SPTLC1: variants seen among roughly 807,000 people sequenced by gnomAD.
The protein encoded by SPTLC1 is serine palmitoyltransferase 1.
In SPTLC1, 55 loss-of-function variants were observed where a neutral mutation model predicts 68.9. The ratio of observed to expected loss-of-function variants is 0.80; its 90% CI spans 0.64 to 1.00. The LOEUF (loss-of-function observed/expected upper bound fraction) is 1.00. Among genes scored for constraint, SPTLC1 ranks in the 50% least tolerant of loss-of-function variants. SPTLC1 has a pLI of 0.00. For synonymous variants in SPTLC1, 197 were observed against 201.6 expected (o/e 0.98, Z 0.19); for missense variants, 449 against 573.1 (o/e 0.78, Z 2.21).
chr9:92,047,534 G>A (rs758333214), intron 10 of SPTLC1, 79 bp downstream of exon 10: 16 of 955,666 alleles, frequency 1.7e-5, no homozygotes, highest in Middle Eastern at 4.2e-4. Context: ...GTAAAATTTC[G>A]TATTTCAAAA....
intron 5 of SPTLC1, among the ~76,000 whole-genome samples, chr9:92,069,201 A>G (rs538346829): frequency 3.1e-4 from 47 of 152,350 alleles, no homozygotes; most frequent in Non-Finnish European, 6.0e-4. Flanking sequence ...GGGGCAGCAG[A>G]GAGGGCTGAC....
chr9:92,109,251 G>A (rs574353035), intron 2 of SPTLC1: 9 of 201,820 alleles, frequency 4.5e-5, no homozygotes, highest in South Asian at 4.2e-4. Context: ...AAAGGCCTCC[G>A]ATACAGGATG....
intron 3 of SPTLC1, 86 bp from the exon 4 acceptor site, chr9:92,081,049 A>G: frequency 1.0e-5 from 10 of 1,001,014 alleles, no homozygotes; most frequent in Non-Finnish European, 1.4e-5. Flanking sequence ...ACAACAACAT[A>G]GTGTTGTCAT....
At chr9:92,044,690 T>C (rs1303501383) in intron 12 of SPTLC1, among the ~76,000 whole-genome samples, 1 of 152,098 alleles carries the variant, frequency 6.6e-6, no homozygotes, top group Non-Finnish European at 1.5e-5. Flanking sequence ...GCAAAGGCAC[T>C]CAGTCCTTAA....
chr9:92,068,098 T>C lies in SPTLC1; in HGVS notation c.428A>G (p.Asp143Gly), dbSNP rs764072897. ...CGPRGFYGTF[D>G]VHLDLEDRLA... ...GCGGTCTTCCAAATCCAAATGAACA[T>C]CTATTTCAGTTAAAAAAGTTAAATG... The change falls in exon 6 of 15, where the codon GAT (aspartate) becomes GGT (glycine). Residue 143 changes from aspartate to glycine, a missense_variant and splice_region_variant. By Grantham distance (94) the Asp-to-Gly change is moderately conservative. Coordinates refer to ENST00000262554, the MANE Select transcript of SPTLC1 (RefSeq NM_006415.4). 1.2e-6 allele frequency: 2 copies of C among 1,613,600 alleles called. No individual in the cohort carries two copies. The highest frequency in any genetic ancestry group is 1.7e-6 in the Non-Finnish European group (2 of 1,179,746).
intron 3 of SPTLC1, among the ~76,000 whole-genome samples, chr9:92,102,732 A>T (rs1243848455): frequency 3.3e-5 from 5 of 152,206 alleles, no homozygotes; most frequent in Admixed American, 6.5e-5. Flanking sequence ...AAAGCAAACA[A>T]TAAAAAAAGA....
chr9:92,050,533 C>T (rs1358018489), intron 8 of SPTLC1: 1 of 175,110 alleles, frequency 5.7e-6, no homozygotes, highest in Non-Finnish European at 1.2e-5. Context: ...TTTGTTCAGG[C>T]ATGAGTGGTA....
chr9:92,097,657 C>G (rs1322628869), intron 3 of SPTLC1, among the ~76,000 whole-genome samples: 1 of 152,138 alleles, frequency 6.6e-6, no homozygotes, highest in Non-Finnish European at 1.5e-5. Flanking sequence ...TTGCTAAGGC[C>G]TGGGCAGAGG....
intron 6 of SPTLC1, among the ~76,000 whole-genome samples, chr9:92,067,019 C>G (rs1189043940): frequency 1.3e-5 from 2 of 151,756 alleles, no homozygotes; most frequent in Non-Finnish European, 2.9e-5. Flanking sequence ...AAAAAAAGGC[C>G]AGGTGCGGTG....
chr9:92,058,240 T>C (rs1564092163), intron 7 of SPTLC1, among the ~76,000 whole-genome samples: 1 of 151,470 alleles, frequency 6.6e-6, no homozygotes, highest in Admixed American at 6.6e-5. Flanking sequence ...ATTCATGAAG[T>C]GATGCACTTA....
At chr9:92,104,043 T>A (rs1225498939) in intron 3 of SPTLC1, among the ~76,000 whole-genome samples, 2 of 152,152 alleles carry the variant, frequency 1.3e-5, no homozygotes, top group African/African-American at 2.4e-5. Flanking sequence ...GCTGGGCTCC[T>A]AAGCACTCCT....
intron 12 of SPTLC1, among the ~76,000 whole-genome samples, chr9:92,042,248 A>G (rs1044351483): frequency 6.6e-6 from 1 of 152,270 alleles, no homozygotes; most frequent in Non-Finnish European, 1.5e-5. Context: ...GCCACTGTTC[A>G]ATACAAATTA....
intron 10 of SPTLC1, 97 bp downstream of exon 10, chr9:92,047,516 T>A (rs1005534651): frequency 1.2e-6 from 1 of 834,350 alleles, no homozygotes; most frequent in Non-Finnish European, 2.0e-6. Context: ...AATTGTGTGA[T>A]AAACTAAGTA....
chr9:92,039,588 A>AT (rs201191424), intron 12 of SPTLC1, among the ~76,000 whole-genome samples: 2,006 of 152,336 alleles, frequency 0.013, 19 homozygotes, highest in South Asian at 0.025. Flanking sequence ...CACAAATGTG[A>AT]TATATGTCTA....
chr9:92,040,486 C>T (rs1247885042), intron 12 of SPTLC1, among the ~76,000 whole-genome samples: 10 of 151,852 alleles, frequency 6.6e-5, no homozygotes, highest in Non-Finnish European at 1.0e-4. Flanking sequence ...ATACAAGGCG[C>T]GATGGCTCAC....
rs780663345 is a variant in SPTLC1, at chr9:92,047,659, G to C, written c.938C>G (p.Ser313Cys). The C allele has an allele frequency of 6.2e-7, 1 of 1,613,794 alleles. No homozygotes were observed. Among genetic ancestry groups the C allele is most frequent in the South Asian group, 1.1e-5 (1 of 91,038 alleles). The change falls in exon 10 of 15, where the codon TCT becomes TGT. Residue 313 changes from serine (S) to cysteine (C), a missense_variant. Physicochemically the swap from Ser to Cys is moderately radical, Grantham distance 112. Transcript: ENST00000262554. ...ISANMENALA[S>C]IGGFCCGRSF... The stretch of plus-strand genomic sequence containing the variant: ...CCTGCCACAGCAGAAACCTCCAATA[G>C]AAGCAAGTGCATTCTCCATGTTGGC...
chr9:92,039,954 A>T (rs1479114240), intron 12 of SPTLC1, among the ~76,000 whole-genome samples: 1 of 152,210 alleles, frequency 6.6e-6, no homozygotes, highest in Non-Finnish European at 1.5e-5. Context: ...TTAGTTCTTT[A>T]CTAATGTAGA....
intron 3 of SPTLC1, among the ~76,000 whole-genome samples, chr9:92,094,316 CAATT>C (rs1360915967): frequency 6.6e-6 from 1 of 152,202 alleles, no homozygotes; most frequent in African/African-American, 2.4e-5. Flanking sequence ...GAAACAGTGT[CAATT>C]AAAATACAAT....
intron 3 of SPTLC1, chr9:92,108,280 G>A (rs1331993048): frequency 6.0e-6 from 1 of 166,828 alleles, no homozygotes; most frequent in African/African-American, 2.4e-5. Context: ...AAGCAAGGAG[G>A]AAAGAGGCAT....
Sources: gnomAD v4.1 joint callset for allele counts (sites outside exome capture counted in the v4.1 genomes callset) on GRCh38, gnomAD v4.1.1 for gene constraint, MANE v1.5 for transcripts, NCBI Gene and HGNC (gene_info 2026-07-23, HGNC 2026-07-21) for gene names.